Variants in TMEM217 observed in about 807,000 individuals in gnomAD.
TMEM217 encodes transmembrane protein 217, also known as chromosome 6 open reading frame 128.
For synonymous variants in TMEM217, 76 were observed against 88.3 expected (o/e 0.86, Z 0.78); for missense variants, 204 against 248.8 (o/e 0.82, Z 1.21).
chr6:37,241,266 CG>C (rs1364365964), intron 1 of TMEM217, among the ~76,000 whole-genome samples: 17 of 150,666 alleles, frequency 1.1e-4, no homozygotes, highest in Admixed American at 9.9e-4. Context: ...TTTTTAGAAA[CG>C]GGGTCTCACT....
chr6:37,235,123 G>A (rs1416566195), intron 1 of TMEM217, among the ~76,000 whole-genome samples: 1 of 152,128 alleles, frequency 6.6e-6, no homozygotes, highest in Non-Finnish European at 1.5e-5. Context: ...TAAACCATGA[G>A]CTAAAAACAT....
intron 1 of TMEM217, among the ~76,000 whole-genome samples, chr6:37,242,320 C>T (rs900129836): frequency 1.3e-5 from 2 of 152,220 alleles, no homozygotes; most frequent in African/African-American, 4.8e-5. Context: ...CTCTATTCCC[C>T]CCAAGGGAAG....
intron 1 of TMEM217, among the ~76,000 whole-genome samples, chr6:37,248,646 T>C (rs1313435225): frequency 1.3e-5 from 2 of 152,202 alleles, no homozygotes; most frequent in Non-Finnish European, 2.9e-5. Context: ...ATTTTCAATG[T>C]TCCTGCCAAT....
intron 1 of TMEM217, among the ~76,000 whole-genome samples, chr6:37,226,039 T>C (rs1288536274): frequency 3.9e-5 from 6 of 152,158 alleles, no homozygotes; most frequent in Admixed American, 3.9e-4. Context: ...TTGTACCACA[T>C]TATACTACCT....
rs150050998 is a variant in TMEM217 at position 37,241,672 on chromosome 6, T to A, written c.-12+15896A>T. Among the ~76,000 whole-genome samples, 11 of 152,342 alleles carry A rather than the reference T, an allele frequency of 7.2e-5. No individual in the cohort carries two copies. The East Asian group carries it at 2.1e-3, about 29-fold the overall frequency. ...AGGGATCCCCAGTGATAAGAGAGATTGAATTTTTTTCTAGTCTGGCAATAT... is the reference window on the plus strand; with the variant it reads ...AGGGATCCCCAGTGATAAGAGAGATAGAATTTTTTTCTAGTCTGGCAATAT... On this transcript the variant is annotated intron_variant, in intron 1 of 1. Transcript: ENST00000357219.
intron 1 of TMEM217, among the ~76,000 whole-genome samples, chr6:37,247,389 CT>C (rs11323017): frequency 0.89 from 113,378 of 127,696 alleles, 50,377 homozygotes; most frequent in African/African-American, 0.96. Flanking sequence ...AACTTTTTTA[CT>C]TTTTTTTTTT....
intron 1 of TMEM217, among the ~76,000 whole-genome samples, chr6:37,235,467 G>A (rs368420993): frequency 9.9e-5 from 15 of 152,166 alleles, no homozygotes; most frequent in East Asian, 5.8e-4. Flanking sequence ...CCAGGTTCAC[G>A]CCATTCTCCT....
At chr6:37,241,811 T>C (rs1764782784) in intron 1 of TMEM217, among the ~76,000 whole-genome samples, 1 of 152,204 alleles carries the variant, frequency 6.6e-6, no homozygotes, top group African/African-American at 2.4e-5. Flanking sequence ...CCATTAACTT[T>C]TTAAAAAAGT....
chr6:37,216,808 A>T (rs1411483454), downstream of TMEM217, among the ~76,000 whole-genome samples: 1 of 152,200 alleles, frequency 6.6e-6, no homozygotes, highest in Admixed American at 6.5e-5. Flanking sequence ...AAGTGACCTT[A>T]TAAAGGGACA....
chr6:37,212,915 T>C, downstream of TMEM217: 1 of 1,548,638 alleles, frequency 6.5e-7, no homozygotes, highest in South Asian at 1.2e-5. Flanking sequence ...AAGAACTGGG[T>C]GGTATTAAGG....
intron 1 of TMEM217, among the ~76,000 whole-genome samples, chr6:37,223,153 G>A (rs1022954781): frequency 2.6e-5 from 4 of 151,964 alleles, no homozygotes; most frequent in African/African-American, 7.3e-5. Flanking sequence ...ATAATAAGAT[G>A]TTCTGATAGA....
chr6:37,244,992 T>C (rs1764975468), intron 1 of TMEM217, among the ~76,000 whole-genome samples: 1 of 152,172 alleles, frequency 6.6e-6, no homozygotes, highest in Non-Finnish European at 1.5e-5. Flanking sequence ...AGCCTAGACA[T>C]GTTCTCATGG....
chr6:37,247,691 A>G (rs1765169855), intron 1 of TMEM217, among the ~76,000 whole-genome samples: 1 of 152,080 alleles, frequency 6.6e-6, no homozygotes, highest in Non-Finnish European at 1.5e-5. Flanking sequence ...GCAAACTATT[A>G]AGCCAACTAC....
downstream of TMEM217, chr6:37,212,924 G>A (rs1762988234): frequency 6.5e-7 from 1 of 1,549,996 alleles, no homozygotes; most frequent in South Asian, 1.2e-5. Context: ...GTGGTATTAA[G>A]GACAGAGAAG....
At chr6:37,247,587 C>T (rs1765161190) in intron 1 of TMEM217, among the ~76,000 whole-genome samples, 1 of 152,008 alleles carries the variant, frequency 6.6e-6, no homozygotes, top group Non-Finnish European at 1.5e-5. Context: ...GGGGTTTCAC[C>T]ATGTTGGCCA....
At chr6:37,217,907 G>A in exon 2 of TMEM217, 1 of 985,886 alleles carries the variant, frequency 1.0e-6, no homozygotes, top group Non-Finnish European at 1.2e-6. Flanking sequence ...GTAGAAAGGT[G>A]AGTTCACAGA....
downstream of TMEM217, among the ~76,000 whole-genome samples, chr6:37,217,376 T>C (rs973833545): frequency 6.6e-6 from 1 of 152,236 alleles, no homozygotes; most frequent in Admixed American, 6.5e-5. Flanking sequence ...TGTAATCATA[T>C]ACTGTCTTAT....
chr6:37,255,621 T>A (rs1342168789), intron 1 of TMEM217, among the ~76,000 whole-genome samples: 1 of 150,376 alleles, frequency 6.6e-6, no homozygotes, highest in Non-Finnish European at 1.5e-5. Context: ...GAGATGGAGG[T>A]TGTAGTGTGC....
At chr6:37,245,111 T>C (rs1412947195) in intron 1 of TMEM217, among the ~76,000 whole-genome samples, 1 of 152,134 alleles carries the variant, frequency 6.6e-6, no homozygotes, top group Non-Finnish European at 1.5e-5. Context: ...GTCAAAAGGG[T>C]GAGCCCAGTC....
Sources: allele counts gnomAD v4.1 joint callset (sites outside exome capture counted in the v4.1 genomes callset), GRCh38; gene constraint gnomAD v4.1.1; transcripts MANE v1.5; gene names NCBI Gene and HGNC (gene_info 2026-07-23, HGNC 2026-07-21).